ZNF589: variants seen among roughly 807,000 people sequenced by gnomAD.
ZNF589 encodes the protein KRAB-zinc finger protein SZF1-1.
Under a neutral mutation model 13.6 loss-of-function variants are expected in ZNF589, and 17 were observed. That is an observed-to-expected ratio of 1.25 (90% CI 0.86 to 1.88). The LOEUF (loss-of-function observed/expected upper bound fraction) is 1.88. ZNF589 is among the 40% of genes most tolerant of loss of function. The pLI is 0.00. For synonymous variants in ZNF589, 148 were observed against 161.6 expected (o/e 0.92, Z 0.64); for missense variants, 407 against 434.0 (o/e 0.94, Z 0.55).
chr3:48,243,042 C>T (rs1452746074), intron 1 of ZNF589, among the ~76,000 whole-genome samples: 3 of 151,200 alleles, frequency 2.0e-5, no homozygotes, highest in African/African-American at 7.3e-5. Flanking sequence ...GACTGCACTC[C>T]AGCTTGGGTA....
At chr3:48,246,235 A>T (rs1559979312) in intron 1 of ZNF589, among the ~76,000 whole-genome samples, 1 of 152,050 alleles carries the variant, frequency 6.6e-6, no homozygotes, top group African/African-American at 2.4e-5. Context: ...TGAGCCCAGG[A>T]GGTGGAGGTT....
chr3:48,260,486 G>A (rs559968675), intron 2 of ZNF589, among the ~76,000 whole-genome samples: 3 of 152,166 alleles, frequency 2.0e-5, no homozygotes, highest in East Asian at 1.9e-4. Context: ...TTGGTTTACT[G>A]CCACCTCTGC....
At position 48,260,955 on chromosome 3, in the gene ZNF589, C is replaced by G. The variant is rs767881809; in HGVS notation, c.223+16C>G. 2 of 1,613,798 alleles carry G rather than the reference C, an allele frequency of 1.2e-6. No individual in the cohort carries two copies. The highest frequency in any genetic ancestry group is 2.2e-5 in the South Asian group (2 of 91,044). On this transcript the variant is annotated intron_variant, in intron 3 of 3. Transcript: ENST00000354698. Reference sequence around the variant, plus strand: ...GTCTCATTGGGTAAGGACATGTTCTCTTCCTTCATTTTTCCATTCAAGTAT... The same window carrying G: ...GTCTCATTGGGTAAGGACATGTTCTGTTCCTTCATTTTTCCATTCAAGTAT...
chr3:48,249,416 C>T (rs948924009), intron 2 of ZNF589, among the ~76,000 whole-genome samples: 2 of 152,174 alleles, frequency 1.3e-5, no homozygotes, highest in African/African-American at 4.8e-5. Context: ...CTTATGTTTT[C>T]ATGCGCTTCA....
chr3:48,247,642 T>A lies in ZNF589; in HGVS notation c.61T>A (p.Ser21Thr). The A allele has an allele frequency of 6.2e-7, 1 of 1,613,110 alleles. No individual in the cohort carries two copies. Among genetic ancestry groups the A allele is most frequent in the Non-Finnish European group, 8.5e-7 (1 of 1,179,486 alleles). The change falls in exon 2 of 4, where the codon TCT becomes ACT. Residue 21 changes from serine to threonine, a missense_variant. By Grantham distance (58) the Ser-to-Thr change is moderately conservative. Transcript: ENST00000354698. ...TTCCCCAGCTCTGCCTGCCAAGGAT[T>A]CTGCCTGGCCCTGGGAAGAGAAGCC... ...WTAEALPAKD[S>T]AWPWEEKPRY...
At chr3:48,250,476 CTT>C (rs879675737) in intron 2 of ZNF589, among the ~76,000 whole-genome samples, 4 of 144,544 alleles carry the variant, frequency 2.8e-5, no homozygotes, top group Non-Finnish European at 3.1e-5. Context: ...TTGAGAACAA[CTT>C]TTTTTTTTTT....
intron 1 of ZNF589, among the ~76,000 whole-genome samples, chr3:48,245,913 C>A (rs1373690212): frequency 1.3e-5 from 2 of 151,048 alleles, no homozygotes; most frequent in Non-Finnish European, 2.9e-5. Flanking sequence ...TGCCATTGAC[C>A]TTCAGCCTGG....
chr3:48,249,533 A>G (rs1222120669), intron 2 of ZNF589, among the ~76,000 whole-genome samples: 2 of 152,238 alleles, frequency 1.3e-5, no homozygotes, highest in East Asian at 3.8e-4. Flanking sequence ...TAAAATGTAC[A>G]TACAGTGAAA....
chr3:48,253,326 C>G (rs35010013), intron 2 of ZNF589, among the ~76,000 whole-genome samples: 4,002 of 152,244 alleles, frequency 0.026, 69 homozygotes, highest in Non-Finnish European at 0.041. Flanking sequence ...CCACCATGCC[C>G]GGCCATCACC....
In ZNF589 at chr3:48,268,343, G is replaced by A. The variant is rs752286998; in HGVS notation, c.652G>A (p.Gly218Arg). ...ETPGFGAVTF[G>R]ECALAFNQKS... is the part of the protein sequence containing the mutation. ...CCCAGGGTTTGGAGCAGTCACGTTT[G>A]GGGAGTGTGCACTAGCTTTTAACCA... The change falls in exon 4 of 4, where the codon GGG becomes AGG. Residue 218 changes from glycine (G) to arginine (R), a missense_variant. Physicochemically the swap from Gly to Arg is moderately radical, Grantham distance 125. Transcript: ENST00000354698. 1 of 1,614,166 alleles carries A rather than the reference G, an allele frequency of 6.2e-7. No homozygotes were observed. Among genetic ancestry groups the A allele is most frequent in the Non-Finnish European group, 8.5e-7 (1 of 1,180,010 alleles).
intron 2 of ZNF589, among the ~76,000 whole-genome samples, chr3:48,248,773 A>G (rs1172995143): frequency 6.6e-6 from 1 of 152,228 alleles, no homozygotes; most frequent in Non-Finnish European, 1.5e-5. Flanking sequence ...GGGAAAGACT[A>G]AGTGTTAGCC....
intron 2 of ZNF589, among the ~76,000 whole-genome samples, chr3:48,254,219 G>A (rs1379434975): frequency 6.6e-6 from 1 of 152,118 alleles, no homozygotes; most frequent in Non-Finnish European, 1.5e-5. Flanking sequence ...TCGTGCCATT[G>A]CACTCCAGCC....
Position 48,264,557 on chromosome 3 carries a change from G to A in ZNF589, c.224-3358G>A, listed in dbSNP as rs773379631. On this transcript the variant is annotated intron_variant, in intron 3 of 3. Coordinates refer to ENST00000354698, the MANE Select transcript of ZNF589 (RefSeq NM_016089.3). Reference sequence around the variant, plus strand: ...AAAAAAAAATAAAAAGGCCGGGCGCGGTGGCTCACACCTGTAATCCTTGCT... The same window carrying A: ...AAAAAAAAATAAAAAGGCCGGGCGCAGTGGCTCACACCTGTAATCCTTGCT... Among the ~76,000 whole-genome samples, 7 of 151,980 alleles carry A rather than the reference G, an allele frequency of 4.6e-5. No homozygotes were observed. The East Asian group carries it at 7.8e-4, about 17-fold the overall frequency.
rs1227539961 is a variant in ZNF589, at chr3:48,270,307, A to G, written c.*1521A>G. On this transcript the variant is annotated 3_prime_UTR_variant, in exon 4 of 4. Coordinates refer to ENST00000354698, the MANE Select transcript of ZNF589 (RefSeq NM_016089.3). ...CACACTCTAAAAGTTCTTCAGACTC[A>G]GGACTTAAACATAGCCACGCCACCT... is the stretch of plus-strand genomic sequence containing the variant. The G allele has an allele frequency of 9.0e-6, 4 of 446,458 alleles. No homozygotes were observed. Among genetic ancestry groups the G allele is most frequent in the African/African-American group, 4.0e-5 (2 of 49,600 alleles). The allele number at this position is 446,458 out of a possible 1,614,324, so 27.7% of individuals were successfully genotyped here.
intron 1 of ZNF589, among the ~76,000 whole-genome samples, chr3:48,244,439 A>T (rs981807703): frequency 9.2e-5 from 14 of 152,070 alleles, no homozygotes; most frequent in East Asian, 1.9e-4. Context: ...TTATATATAT[A>T]TTTTTAATTT....
chr3:48,269,488 C>A lies in ZNF589; in HGVS notation c.*702C>A. On this transcript the variant is annotated 3_prime_UTR_variant, in exon 4 of 4. Transcript: ENST00000354698. ...GGGGATTTGGCCGGAAGATACTCCT[C>A]AACAGACACTGGAGGACACACACAG... 2.5e-6 allele frequency: 1 copy of A among 407,470 alleles called. No homozygotes were observed. Among genetic ancestry groups the A allele is most frequent in the Non-Finnish European group, 4.7e-6 (1 of 211,206 alleles). The allele number at this position is 407,470 out of a possible 1,614,324, so 25.2% of individuals were successfully genotyped here.
chr3:48,267,971 C>A lies in ZNF589; in HGVS notation c.280C>A (p.Gln94Lys), dbSNP rs2034037541. 6.2e-7 allele frequency: 1 copy of A among 1,613,752 alleles called. No homozygotes were observed. The highest frequency in any genetic ancestry group is 8.5e-7 in the Non-Finnish European group (1 of 1,180,038). ...TTCTTGCCCTCTGGCCTTTGGCAGT[C>A]AGCAGTTCCTCAGCCAAGATGAGCT... ...CPSCPLAFGS[Q>K]QFLSQDELHN... The change falls in exon 4 of 4, where the codon CAG becomes AAG. Residue 94 changes from glutamine (Q) to lysine (K), a missense_variant. Physicochemically the swap from Gln to Lys is moderately conservative, Grantham distance 53. Coordinates refer to ENST00000354698, the MANE Select transcript of ZNF589 (RefSeq NM_016089.3).
chr3:48,256,754 T>A (rs1438527690), intron 2 of ZNF589: 1 of 1,603,992 alleles, frequency 6.2e-7, no homozygotes, highest in East Asian at 2.2e-5. Context: ...GTTAGGAGGA[T>A]TTGGACTCTC....
chr3:48,253,272 C>T (rs976189186), intron 2 of ZNF589, among the ~76,000 whole-genome samples: 5 of 152,158 alleles, frequency 3.3e-5, no homozygotes, highest in African/African-American at 9.7e-5. Context: ...CTCAAGTGAT[C>T]CACCTGCCTT....
Sources: allele counts gnomAD v4.1 joint callset (sites outside exome capture counted in the v4.1 genomes callset), GRCh38; gene constraint gnomAD v4.1.1; transcripts MANE v1.5; gene names NCBI Gene and HGNC (gene_info 2026-07-23, HGNC 2026-07-21).